The following ZNF19 variants were observed in gnomAD, a reference collection of about 807,000 sequenced individuals.
ZNF19 encodes the protein zinc finger protein 19 (KOX 12).
Under a neutral mutation model 13.1 loss-of-function variants are expected in ZNF19, and 11 were observed. The ratio of observed to expected loss-of-function variants is 0.84; its 90% CI spans 0.53 to 1.39. The LOEUF (loss-of-function observed/expected upper bound fraction) is 1.39, where lower values mean the gene tolerates loss of function less well. Ranked by LOEUF, ZNF19 falls within the 40% of genes most tolerant of loss-of-function variation. The pLI is 0.00. For missense variants in ZNF19, 560 were observed against 547.0 expected, an observed-to-expected ratio of 1.02 and a Z score of -0.24; for synonymous variants, 186 against 187.0, an observed-to-expected ratio of 0.99 and a Z score of 0.04.
chr16:71,481,940 CCCAGCA>C, intron 3 of ZNF19, 136 bp downstream of exon 3: 1 of 854,318 alleles, frequency 1.2e-6, no homozygotes, highest in Non-Finnish European at 1.9e-6. Context: ...TAGCTCTTTC[CCCAGCA>C]CCCAGTCCTA....
At chr16:71,488,003 C>T (rs1184440168) in intron 1 of ZNF19, among the ~76,000 whole-genome samples, 1 of 152,148 alleles carries the variant, frequency 6.6e-6, no homozygotes, top group Admixed American at 6.5e-5. Flanking sequence ...TATGTCTGCT[C>T]TTACCACTAC....
chr16:71,484,139 T>G (rs1388132997), intron 2 of ZNF19, among the ~76,000 whole-genome samples: 1 of 152,216 alleles, frequency 6.6e-6, no homozygotes, highest in Non-Finnish European at 1.5e-5. Context: ...GTGCACTAAG[T>G]CACGGGCAGG....
intron 1 of ZNF19, 97 bp downstream of exon 1, chr16:71,489,175 C>G: frequency 1.1e-6 from 1 of 906,972 alleles, no homozygotes; most frequent in Non-Finnish European, 1.3e-6. Context: ...TCCCCGTCCC[C>G]TTCTTTGAGC....
intron 3 of ZNF19, among the ~76,000 whole-genome samples, chr16:71,479,953 A>G (rs2043627364): frequency 3.3e-5 from 5 of 151,876 alleles, no homozygotes; most frequent in Admixed American, 3.3e-4. Flanking sequence ...CCACCATGCC[A>G]GGCTAATCTT....
intron 1 of ZNF19, among the ~76,000 whole-genome samples, chr16:71,485,431 C>T (rs1198593555): frequency 9.0e-6 from 1 of 110,512 alleles, no homozygotes; most frequent in Admixed American, 1.0e-4. Context: ...GCCTGGGCGA[C>T]AAAAGCAAAA....
intron 2 of ZNF19, 109 bp downstream of exon 2, chr16:71,484,480 C>T (rs1030676809): frequency 2.0e-6 from 2 of 980,174 alleles, no homozygotes; most frequent in Admixed American, 6.1e-5. Context: ...CCGGAGGGGC[C>T]GCCCTGTCTC....
chr16:71,484,856 A>G (rs1404387075), intron 1 of ZNF19, 108 bp from the exon 2 acceptor site: 2 of 390,958 alleles, frequency 5.1e-6, no homozygotes, highest in Non-Finnish European at 7.0e-6. Flanking sequence ...CGTATCTGTG[A>G]CTGTCACCGA....
chr16:71,478,704 C>T (rs958183339), intron 4 of ZNF19, 175 bp downstream of exon 4: 73 of 890,878 alleles, frequency 8.2e-5, no homozygotes, highest in Non-Finnish European at 1.2e-4. Context: ...CCCAAGACCT[C>T]TCCCTACCCA....
chr16:71,476,073 C>T lies in ZNF19; in HGVS notation c.474G>A (p.Arg158=), dbSNP rs147578256. The T allele has an allele frequency of 5.5e-3, 8,949 of 1,614,166 alleles. 36 individuals carry two copies. Among genetic ancestry groups the T allele is most frequent in the Non-Finnish European group, 7.1e-3 (8,378 of 1,180,014 alleles). ...CACACTCCTCACATATGAAAGGTTT[C>T]CTTGCACAGGGGATTCTTGGAACCT... The part of the protein sequence containing the change: ...QGKVPRIPCA[R]KPFICEECGK... Residue 158 remains arginine, a synonymous_variant, in exon 6 of 6, where the codon AGG becomes AGA. Transcript: ENST00000288177.
intron 5 of ZNF19, 92 bp downstream of exon 5, chr16:71,478,136 A>G (rs569615804): frequency 3.6e-6 from 3 of 834,166 alleles, no homozygotes; most frequent in East Asian, 2.6e-5. Context: ...GAAATCATCT[A>G]TTTTATTTAA....
At position 71,475,037 on chromosome 16, in the gene ZNF19, G is replaced by A; in HGVS notation, c.*133C>T. 2 of 1,108,546 alleles carry A rather than the reference G, an allele frequency of 1.8e-6. No homozygotes were observed. The highest frequency in any genetic ancestry group is 2.5e-6 in the Non-Finnish European group (2 of 793,364). The allele number at this position is 1,108,546 out of a possible 1,614,324, so 68.7% of individuals were successfully genotyped here. ...CTGGGACTCTAATTGAACCATCTTT[G>A]GTCATCTACTGACATCTGAATCATT... On this transcript the variant is annotated 3_prime_UTR_variant, in exon 6 of 6. Transcript: ENST00000288177.
chr16:71,489,161 G>T, intron 1 of ZNF19, 111 bp downstream of exon 1: 2 of 802,624 alleles, frequency 2.5e-6, no homozygotes, highest in Non-Finnish European at 3.0e-6. Context: ...GTATAGTGAC[G>T]CCCTCCCCGT....
At chr16:71,479,211 A>T in intron 3 of ZNF19, 1 of 599,556 alleles carries the variant, frequency 1.7e-6, no homozygotes, top group Non-Finnish European at 2.9e-6. Flanking sequence ...AAGAGATTCC[A>T]TTAGGATATA....
Position 71,475,141 on chromosome 16 carries a change from C to T in ZNF19, c.*29G>A. ...CCATTCCTGAGTAGAAGACGGAATC[C>T]ACTCAGTACATTTCACTGGAGTGTA... is the stretch of plus-strand genomic sequence containing the variant. On this transcript the variant is annotated 3_prime_UTR_variant, in exon 6 of 6. Coordinates refer to ENST00000288177, the MANE Select transcript of ZNF19 (RefSeq NM_006961.4). The T allele has an allele frequency of 1.3e-6, 2 of 1,530,004 alleles. No homozygotes were observed. Among genetic ancestry groups the T allele is most frequent in the African/African-American group, 2.8e-5 (2 of 72,714 alleles). 94.8% of individuals were successfully genotyped at this position (1,530,004 alleles called of 1,614,324 possible).
Position 71,484,665 on chromosome 16 carries a change from C to G in ZNF19, c.-106G>C. 15 of 985,452 alleles carry G rather than the reference C, an allele frequency of 1.5e-5. No individual in the cohort carries two copies. The highest frequency in any genetic ancestry group is 1.7e-5 in the Non-Finnish European group (14 of 829,946). The allele number at this position is 985,452 out of a possible 1,614,324, so 61.0% of individuals were successfully genotyped here. On this transcript the variant is annotated 5_prime_UTR_variant, in exon 2 of 6. Coordinates refer to ENST00000288177, the MANE Select transcript of ZNF19 (RefSeq NM_006961.4). ...CCTTGCACCCAGGCTCACACGCGTA[C>G]TCTCTAGGATGCCGGAGCGGTCTTC...
Position 71,476,085 on chromosome 16 carries a change from G to A in ZNF19, c.462C>T (p.Ile154=). 6.2e-7 allele frequency: 1 copy of A among 1,614,196 alleles called. No individual in the cohort carries two copies. The highest frequency in any genetic ancestry group is 1.1e-5 in the South Asian group (1 of 91,086). ...ATATGAAAGGTTTCCTTGCACAGGG[G>A]ATTCTTGGAACCTTTCCTTGGATAT... ...VKNIQGKVPR[I]PCARKPFICE... is the part of the protein sequence containing the mutation. Residue 154 remains isoleucine, a synonymous_variant, in exon 6 of 6, where the codon ATC becomes ATT. Coordinates refer to ENST00000288177, the MANE Select transcript of ZNF19 (RefSeq NM_006961.4).
At chr16:71,486,189 A>G (rs2043676888) in intron 1 of ZNF19, among the ~76,000 whole-genome samples, 1 of 151,636 alleles carries the variant, frequency 6.6e-6, no homozygotes, top group Non-Finnish European at 1.5e-5. Context: ...CCGAAAAAAA[A>G]AAAAAAAAAA....
intron 3 of ZNF19, among the ~76,000 whole-genome samples, chr16:71,480,402 G>T (rs2043629616): frequency 6.6e-6 from 1 of 152,058 alleles, no homozygotes; most frequent in Non-Finnish European, 1.5e-5. Flanking sequence ...AAACTAAGTG[G>T]CAGTGTGACA....
chr16:71,478,221 C>T lies in ZNF19; in HGVS notation c.274+7G>A. On this transcript the variant is annotated splice_region_variant and intron_variant, in intron 5 of 5. Transcript: ENST00000288177. ...ACAATTGTTGGTTCTAAATCTGCCT[C>T]ACCTACCTTTACAGACGTTTTTGGT... 3 of 1,606,314 alleles carry T rather than the reference C, an allele frequency of 1.9e-6. No individual in the cohort carries two copies. The highest frequency in any genetic ancestry group is 2.6e-6 in the Non-Finnish European group (3 of 1,173,354).
Sources: gnomAD v4.1 joint callset for allele counts (sites outside exome capture counted in the v4.1 genomes callset) on GRCh38, gnomAD v4.1.1 for gene constraint, MANE v1.5 for transcripts, NCBI Gene and HGNC (gene_info 2026-07-23, HGNC 2026-07-21) for gene names.